UBAC2: variants seen among roughly 807,000 people sequenced by gnomAD.
The protein encoded by UBAC2 is ubiquitin-associated domain-containing protein 2.
UBAC2 carries 26 observed loss-of-function variants against 44.0 expected under a neutral mutation model. The ratio of observed to expected loss-of-function variants is 0.59; its 90% CI spans 0.43 to 0.82. The LOEUF (loss-of-function observed/expected upper bound fraction) is 0.82, where lower values mean the gene tolerates loss of function less well. Among genes scored for constraint, UBAC2 ranks in the 40% least tolerant of loss-of-function variants. The pLI is 0.00. For missense variants in UBAC2, 329 were observed against 419.4 expected (o/e 0.78, Z 1.88); for synonymous variants, 155 against 154.3 (o/e 1.00, Z -0.04).
intron 6 of UBAC2, among the ~76,000 whole-genome samples, chr13:99,325,098 C>CTTTT (rs55672515): frequency 3.5e-4 from 30 of 86,134 alleles, no homozygotes; most frequent in Non-Finnish European, 4.7e-4. Context: ...TGTCTATGCT[C>CTTTT]TTTTTTTTTT....
intron 1 of UBAC2, among the ~76,000 whole-genome samples, chr13:99,232,059 A>C (rs983673702): frequency 6.6e-6 from 1 of 152,168 alleles, no homozygotes; most frequent in African/African-American, 2.4e-5. Flanking sequence ...CCATGTCTAC[A>C]TGTGTATTTA....
intron 4 of UBAC2, among the ~76,000 whole-genome samples, chr13:99,249,627 A>G (rs547995744): frequency 3.3e-5 from 5 of 152,362 alleles, no homozygotes; most frequent in South Asian, 4.1e-4. Context: ...ACTGCTTTCT[A>G]TAGTGGCTGA....
At chr13:99,342,159 G>GA (rs2044900358) in intron 7 of UBAC2, among the ~76,000 whole-genome samples, 1 of 152,230 alleles carries the variant, frequency 6.6e-6, no homozygotes, top group Non-Finnish European at 1.5e-5. Flanking sequence ...AGCAAGATGG[G>GA]ACAGAGGGAG....
intron 8 of UBAC2, among the ~76,000 whole-genome samples, chr13:99,368,144 T>A (rs2045356575): frequency 6.6e-6 from 1 of 152,162 alleles, no homozygotes; most frequent in Admixed American, 6.5e-5. Flanking sequence ...GTAGCTTGTT[T>A]TAGATGCTCT....
intron 4 of UBAC2, among the ~76,000 whole-genome samples, chr13:99,283,114 C>A (rs1335730328): frequency 6.6e-6 from 1 of 152,168 alleles, no homozygotes; most frequent in Non-Finnish European, 1.5e-5. Context: ...CATGGGTACA[C>A]CAGAGCTAGA....
chr13:99,375,819 T>C lies in UBAC2; in HGVS notation c.927+7913T>C, dbSNP rs2045472672. 2.0e-5 allele frequency among the ~76,000 whole-genome samples: 3 copies of C among 148,508 alleles called. No homozygotes were observed. The South Asian group carries it at 6.5e-4, about 32-fold the overall frequency. ...TTTTTCCCTTTTTTTTTTTTTTTTT[T>C]TTGAGACATGGTCTTGCTCTGTATC... is the stretch of plus-strand genomic sequence containing the variant. On this transcript the variant is annotated intron_variant, in intron 8 of 8. Transcript: ENST00000403766.
chr13:99,260,907 G>A (rs2043651150), intron 4 of UBAC2, among the ~76,000 whole-genome samples: 1 of 152,064 alleles, frequency 6.6e-6, no homozygotes, highest in Non-Finnish European at 1.5e-5. Context: ...TTGGGTTTTG[G>A]TTTTGATATT....
chr13:99,276,502 G>A (rs764741908), intron 4 of UBAC2, among the ~76,000 whole-genome samples: 1 of 152,236 alleles, frequency 6.6e-6, no homozygotes, highest in African/African-American at 2.4e-5. Flanking sequence ...GGCAAGGTGC[G>A]AGGGTGGGTG....
At chr13:99,312,631 G>A (rs1387667767) in intron 4 of UBAC2, among the ~76,000 whole-genome samples, 1 of 152,206 alleles carries the variant, frequency 6.6e-6, no homozygotes, top group East Asian at 1.9e-4. Flanking sequence ...GGGGCCACGA[G>A]GAGAGCCACC....
intron 4 of UBAC2, among the ~76,000 whole-genome samples, chr13:99,292,856 T>C (rs1272379191): frequency 2.0e-5 from 3 of 152,188 alleles, no homozygotes; most frequent in African/African-American, 7.2e-5. Context: ...GGGTTGTGAT[T>C]TTCAAACAGT....
intron 6 of UBAC2, among the ~76,000 whole-genome samples, chr13:99,318,347 A>G (rs1343992846): frequency 6.6e-6 from 1 of 151,642 alleles, no homozygotes; most frequent in Non-Finnish European, 1.5e-5. Flanking sequence ...TTGTATTTTT[A>G]GTAGAGATGG....
At chr13:99,240,188 A>T (rs2043284102) in intron 2 of UBAC2, among the ~76,000 whole-genome samples, 1 of 152,156 alleles carries the variant, frequency 6.6e-6, no homozygotes, top group African/African-American at 2.4e-5. Context: ...AGTTTTCTTT[A>T]GGTTGAGTTG....
intron 4 of UBAC2, among the ~76,000 whole-genome samples, chr13:99,297,250 A>G (rs1566490733): frequency 2.0e-5 from 3 of 152,218 alleles, no homozygotes; most frequent in South Asian, 2.1e-4. Context: ...GAACAGAGCA[A>G]TAAATCCTGT....
intron 4 of UBAC2, among the ~76,000 whole-genome samples, chr13:99,263,387 C>T (rs1472577534): frequency 6.6e-6 from 1 of 152,152 alleles, no homozygotes; most frequent in African/African-American, 2.4e-5. Flanking sequence ...TCCAAATGGT[C>T]AGCAACATGT....
At chr13:99,299,658 T>TA (rs1183395322) in intron 4 of UBAC2, among the ~76,000 whole-genome samples, 1 of 152,204 alleles carries the variant, frequency 6.6e-6, no homozygotes, top group Non-Finnish European at 1.5e-5. Flanking sequence ...CCTTTTCTTG[T>TA]AAAAACCTTG....
At chr13:99,316,417 G>GAAT (rs2044491208) in intron 5 of UBAC2, among the ~76,000 whole-genome samples, 1 of 152,136 alleles carries the variant, frequency 6.6e-6, no homozygotes, top group Non-Finnish European at 1.5e-5. Context: ...ATGAATGAAT[G>GAAT]GATGAATGAA....
intron 4 of UBAC2, among the ~76,000 whole-genome samples, chr13:99,306,880 A>G (rs1247650337): frequency 6.6e-6 from 1 of 152,186 alleles, no homozygotes; most frequent in Admixed American, 6.5e-5. Context: ...TTTAGAAAAT[A>G]TACCCTTTGC....
At chr13:99,231,880 TAGAA>T in intron 1 of UBAC2, among the ~76,000 whole-genome samples, 1 of 152,204 alleles carries the variant, frequency 6.6e-6, no homozygotes, top group Non-Finnish European at 1.5e-5. Flanking sequence ...CTGACAGACT[TAGAA>T]AGAAGTGACA....
chr13:99,275,605 C>G (rs913274888), intron 4 of UBAC2, among the ~76,000 whole-genome samples: 7 of 152,058 alleles, frequency 4.6e-5, no homozygotes, highest in African/African-American at 1.7e-4. Context: ...TTTTATCCCT[C>G]TCATATTGAG....
Sources: allele counts gnomAD v4.1 joint callset (sites outside exome capture counted in the v4.1 genomes callset), GRCh38; gene constraint gnomAD v4.1.1; transcripts MANE v1.5; gene names NCBI Gene and HGNC (gene_info 2026-07-23, HGNC 2026-07-21).